Variants in DAB1 observed in about 807,000 individuals in gnomAD.
DAB1 encodes disabled homolog 1.
In DAB1, 15 loss-of-function variants were observed where a neutral mutation model predicts 64.6. The ratio of observed to expected loss-of-function variants is 0.23; its 90% confidence interval spans 0.16 to 0.36. The LOEUF (loss-of-function observed/expected upper bound fraction) is 0.36. DAB1 is among the 10% of genes least tolerant of loss of function. The probability of loss-of-function intolerance (pLI) is 1.00; values close to 1 mark genes in which losing one functional copy is unlikely to be tolerated. For missense variants in DAB1, 596 were observed against 706.7 expected (o/e 0.84, Z 1.78); for synonymous variants, 235 against 251.9 (o/e 0.93, Z 0.64).
At chr1:57,100,408 A>G (rs1412552496) in intron 4 of DAB1, among the ~76,000 whole-genome samples, 3 of 152,216 alleles carry the variant, frequency 2.0e-5, no homozygotes, top group Non-Finnish European at 4.4e-5. Flanking sequence ...CTATTTGTTT[A>G]GCAGCACTGA....
chr1:57,162,174 C>T (rs771165182), intron 2 of DAB1, among the ~76,000 whole-genome samples: 6 of 152,218 alleles, frequency 3.9e-5, no homozygotes, highest in Non-Finnish European at 8.8e-5. Flanking sequence ...TCTTCCCCTC[C>T]TTTCTTCTGC....
chr1:58,002,044 T>C (rs907983445), intron 5 of DAB1, among the ~76,000 whole-genome samples: 2 of 152,198 alleles, frequency 1.3e-5, no homozygotes, highest in African/African-American at 4.8e-5. Context: ...CCAAATTTTA[T>C]AGTAGGAACT....
chr1:58,152,858 T>C (rs568658439), intron 4 of DAB1, among the ~76,000 whole-genome samples: 4 of 152,322 alleles, frequency 2.6e-5, no homozygotes, highest in African/African-American at 9.6e-5. Context: ...CTGAGTTAGA[T>C]AGAAAGAGTT....
At chr1:58,451,461 T>C (rs975518543) in intron 3 of DAB1, among the ~76,000 whole-genome samples, 1 of 152,212 alleles carries the variant, frequency 6.6e-6, no homozygotes, top group African/African-American at 2.4e-5. Context: ...AAGTCTTTAG[T>C]GAAGAAATGG....
chr1:57,152,872 T>C (rs1569616500), intron 2 of DAB1, among the ~76,000 whole-genome samples: 1 of 152,180 alleles, frequency 6.6e-6, no homozygotes, highest in African/African-American at 2.4e-5. Context: ...AAAGCTAGGA[T>C]TTGAACCCAG....
At chr1:57,303,533 T>C (rs775518534) in intron 1 of DAB1, among the ~76,000 whole-genome samples, 1 of 152,144 alleles carries the variant, frequency 6.6e-6, no homozygotes, top group East Asian at 1.9e-4. Context: ...CAGTTCAGAC[T>C]CTATCCACTG....
At chr1:57,801,682 C>T (rs1005369016) in intron 6 of DAB1, among the ~76,000 whole-genome samples, 5 of 151,512 alleles carry the variant, frequency 3.3e-5, no homozygotes, top group African/African-American at 7.3e-5. Flanking sequence ...TTTTGAGACA[C>T]GATCTTACTG....
At chr1:57,997,403 G>T (rs1646441607) in intron 5 of DAB1, among the ~76,000 whole-genome samples, 1 of 152,136 alleles carries the variant, frequency 6.6e-6, no homozygotes. Context: ...TTGCCTGCTT[G>T]GCCCTCTTCC....
At chr1:58,343,832 C>T (rs969625244) in intron 3 of DAB1, among the ~76,000 whole-genome samples, 2 of 152,152 alleles carry the variant, frequency 1.3e-5, no homozygotes, top group African/African-American at 4.8e-5. Context: ...TTGTCAAGTG[C>T]TGTAAATACA....
At chr1:57,837,236 C>G (rs1046251625) in intron 1 of DAB1, among the ~76,000 whole-genome samples, 1 of 152,188 alleles carries the variant, frequency 6.6e-6, no homozygotes, top group Admixed American at 6.5e-5. Context: ...TGACACTTTC[C>G]TATTCTTAAA....
rs185033394 is a variant in DAB1 at position 57,756,304 on chromosome 1, A to G, written n.552-106639T>C. ...ATTAATACAAAGTTTGATTAATATC[A>G]TGACACAGAACAGCACCAAGAAGTC... On this transcript the variant is annotated intron_variant and non_coding_transcript_variant, in intron 6 of 20. Transcript: ENST00000485760. Among the ~76,000 whole-genome samples the G allele has an allele frequency of 1.3e-4, 20 of 151,960 alleles. No homozygotes were observed. In the East Asian group the frequency reaches 2.9e-3, roughly 22 times the overall value.
chr1:57,207,446 C>CTTTTTTTTTTTTTTT (rs772989513), intron 2 of DAB1, among the ~76,000 whole-genome samples: 5,282 of 97,356 alleles, frequency 0.054, 992 homozygotes, highest in Non-Finnish European at 0.086. Context: ...TATTTCCTTT[C>CTTTTTTTTTTTTTTT]TTTTTTTTTT....
chr1:57,349,746 CCTCCTAGCGGGGGAAATCAAAA>C (rs1678423365), intron 1 of DAB1, among the ~76,000 whole-genome samples: 1 of 152,096 alleles, frequency 6.6e-6, no homozygotes, highest in African/African-American at 2.4e-5. Context: ...GAGAATTTCC[CCTCCTAGCGGGGGAAATCAAAA>C]TAAAGATCCG....
At chr1:57,853,384 C>T (rs952777303) in intron 1 of DAB1, among the ~76,000 whole-genome samples, 1 of 152,118 alleles carries the variant, frequency 6.6e-6, no homozygotes, top group African/African-American at 2.4e-5. Context: ...TTGGAAATCA[C>T]ATTTTAAGAA....
chr1:57,406,847 AGTTGCTT>A (rs1683681739), intron 1 of DAB1, among the ~76,000 whole-genome samples: 1 of 152,210 alleles, frequency 6.6e-6, no homozygotes, highest in Non-Finnish European at 1.5e-5. Context: ...AAAATGAAAG[AGTTGCTT>A]GTTTAGATCA....
At chr1:58,054,537 G>C (rs536310575) in intron 5 of DAB1, among the ~76,000 whole-genome samples, 2 of 152,292 alleles carry the variant, frequency 1.3e-5, no homozygotes, top group Non-Finnish European at 2.9e-5. Context: ...TGCAATGAAC[G>C]AAGGGCTGTC....
At chr1:57,586,256 A>G (rs191382058) in intron 7 of DAB1, among the ~76,000 whole-genome samples, 29 of 152,218 alleles carry the variant, frequency 1.9e-4, no homozygotes, top group African/African-American at 6.7e-4. Context: ...TCTTCAGCTA[A>G]CTACCTCCTC....
intron 5 of DAB1, among the ~76,000 whole-genome samples, chr1:58,105,290 A>C (rs1411602400): frequency 6.6e-6 from 1 of 152,224 alleles, no homozygotes; most frequent in Non-Finnish European, 1.5e-5. Flanking sequence ...TTGTTCAGTT[A>C]AAAGCAAGAC....
chr1:57,379,252 A>G (rs1417545709), intron 1 of DAB1, among the ~76,000 whole-genome samples: 1 of 152,160 alleles, frequency 6.6e-6, no homozygotes. Flanking sequence ...AAAAACAAAA[A>G]CAAACAAACA....
Sources: gnomAD v4.1 joint callset for allele counts (sites outside exome capture counted in the v4.1 genomes callset) on GRCh38, gnomAD v4.1.1 for gene constraint, MANE v1.5 for transcripts, NCBI Gene and HGNC (gene_info 2026-07-23, HGNC 2026-07-21) for gene names.